The following FBXL7 variants were observed in gnomAD, a reference collection of about 807,000 sequenced individuals.
FBXL7 encodes the protein F-box/LRR-repeat protein 7.
In FBXL7, 12 loss-of-function variants were observed where a neutral mutation model predicts 38.3. The ratio of observed to expected loss-of-function variants is 0.31; its 90% confidence interval spans 0.20 to 0.51. FBXL7 has a LOEUF of 0.51. FBXL7 is among the 20% of genes least tolerant of loss of function. The pLI, the probability that FBXL7 is intolerant of heterozygous loss-of-function variation, is 0.98. For missense variants in FBXL7, 567 were observed against 676.4 expected (o/e 0.84, Z 1.79); for synonymous variants, 297 against 300.9 (o/e 0.99, Z 0.13).
chr5:15,927,382 G>T (rs1315183213), intron 2 of FBXL7, among the ~76,000 whole-genome samples: 1 of 152,142 alleles, frequency 6.6e-6, no homozygotes, highest in Non-Finnish European at 1.5e-5. Context: ...ACACGTGCAT[G>T]TGCTTGGTCC....
intron 2 of FBXL7, among the ~76,000 whole-genome samples, chr5:15,823,211 G>A (rs1187029112): frequency 1.3e-5 from 2 of 152,172 alleles, no homozygotes; most frequent in Non-Finnish European, 2.9e-5. Flanking sequence ...ATTTGTGAAT[G>A]AGTAGACACA....
At chr5:15,536,834 G>T (rs1737600380) in intron 1 of FBXL7, among the ~76,000 whole-genome samples, 1 of 151,896 alleles carries the variant, frequency 6.6e-6, no homozygotes, top group Non-Finnish European at 1.5e-5. Flanking sequence ...ATTTGGGAGG[G>T]GCCAAGGGCA....
chr5:15,875,267 A>G (rs893904662), intron 2 of FBXL7, among the ~76,000 whole-genome samples: 5 of 152,226 alleles, frequency 3.3e-5, no homozygotes, highest in African/African-American at 1.2e-4. Flanking sequence ...TTAACTCCAG[A>G]TAGATTAAAG....
chr5:15,839,342 T>C (rs1313423985), intron 2 of FBXL7, among the ~76,000 whole-genome samples: 1 of 152,140 alleles, frequency 6.6e-6, no homozygotes, highest in Non-Finnish European at 1.5e-5. Flanking sequence ...CTCAAGTATT[T>C]TATTCTAAAA....
At chr5:15,727,493 A>G (rs1282237826) in intron 2 of FBXL7, among the ~76,000 whole-genome samples, 1 of 152,102 alleles carries the variant, frequency 6.6e-6, no homozygotes, top group Non-Finnish European at 1.5e-5. Flanking sequence ...TTGGGTTGGC[A>G]AGGTTTTTTT....
intron 2 of FBXL7, among the ~76,000 whole-genome samples, chr5:15,667,268 C>G (rs1181763925): frequency 6.6e-6 from 1 of 152,098 alleles, no homozygotes; most frequent in Non-Finnish European, 1.5e-5. Flanking sequence ...TGGTCTCAAA[C>G]TTAAGTTCAT....
intron 2 of FBXL7, among the ~76,000 whole-genome samples, chr5:15,693,615 T>C (rs1743247161): frequency 6.6e-6 from 1 of 152,112 alleles, no homozygotes; most frequent in Non-Finnish European, 1.5e-5. Context: ...TGGCCCGCCA[T>C]GTCCCCCATC....
intron 1 of FBXL7, among the ~76,000 whole-genome samples, chr5:15,540,838 C>T (rs1160384570): frequency 1.3e-5 from 2 of 152,032 alleles, no homozygotes; most frequent in Non-Finnish European, 2.9e-5. Flanking sequence ...GCACTGATCC[C>T]ATTCATGAGG....
chr5:15,817,053 A>T (rs1241720326), intron 2 of FBXL7, among the ~76,000 whole-genome samples: 1 of 152,226 alleles, frequency 6.6e-6, no homozygotes, highest in African/African-American at 2.4e-5. Flanking sequence ...CTTAGAGCCC[A>T]AAGACCTGGG....
chr5:15,622,055 A>T (rs1390011997), intron 2 of FBXL7, among the ~76,000 whole-genome samples: 2 of 152,200 alleles, frequency 1.3e-5, no homozygotes, highest in East Asian at 3.8e-4. Flanking sequence ...AATATGAGGT[A>T]TCATTTTGTT....
intron 2 of FBXL7, among the ~76,000 whole-genome samples, chr5:15,712,981 A>G (rs1743924788): frequency 6.6e-6 from 1 of 152,182 alleles, no homozygotes; most frequent in Admixed American, 6.5e-5. Flanking sequence ...CTTCCCTTAC[A>G]TACCTTGTGA....
At position 15,616,001 on chromosome 5, in the gene FBXL7, T is replaced by C; in HGVS notation, c.56T>C (p.Ile19Thr). Residue 19 changes from isoleucine to threonine, a missense_variant, in exon 2 of 4, where the codon ATC (isoleucine) becomes ACC (threonine). Ile to Thr is a moderately conservative substitution (Grantham distance 89). Transcript: ENST00000504595. Reference sequence around the variant, plus strand: ...CTTCCAGGCAAAGGCAGCTCGAGCATCTCATCTGACGTGAGTTCAAGTACA... The same window carrying C: ...CTTCCAGGCAAAGGCAGCTCGAGCACCTCATCTGACGTGAGTTCAAGTACA... ...YGSEGKGSSS[I>T]SSDVSSSTDH... 1 of 1,612,728 alleles carries C rather than the reference T, an allele frequency of 6.2e-7. No individual in the cohort carries two copies. The highest frequency in any genetic ancestry group is 8.5e-7 in the Non-Finnish European group (1 of 1,179,186).
At chr5:15,503,398 G>C (rs1736554850) in intron 1 of FBXL7, among the ~76,000 whole-genome samples, 1 of 152,170 alleles carries the variant, frequency 6.6e-6, no homozygotes, top group Non-Finnish European at 1.5e-5. Flanking sequence ...TCTAGCCTGG[G>C]CAACAGGACA....
chr5:15,679,924 A>C (rs933542635), intron 2 of FBXL7, among the ~76,000 whole-genome samples: 1 of 152,216 alleles, frequency 6.6e-6, no homozygotes, highest in African/African-American at 2.4e-5. Flanking sequence ...ATTGAGAGGC[A>C]AAGGAGGTAG....
chr5:15,747,760 C>T (rs1027974748), intron 2 of FBXL7, among the ~76,000 whole-genome samples: 1 of 151,368 alleles, frequency 6.6e-6, no homozygotes, highest in Non-Finnish European at 1.5e-5. Context: ...TCCAGGTTTT[C>T]CATCTGTAAC....
intron 2 of FBXL7, among the ~76,000 whole-genome samples, chr5:15,687,533 T>G (rs1561085625): frequency 6.6e-6 from 1 of 152,210 alleles, no homozygotes; most frequent in African/African-American, 2.4e-5. Context: ...TAATGATCAT[T>G]TCATAGAGCT....
chr5:15,503,750 AATAG>A (rs578108985), intron 1 of FBXL7, among the ~76,000 whole-genome samples: 3 of 152,230 alleles, frequency 2.0e-5, no homozygotes, highest in Non-Finnish European at 4.4e-5. Flanking sequence ...TTTTTCTTTT[AATAG>A]ATAGCTCGAC....
At chr5:15,776,969 A>G (rs1736872326) in intron 2 of FBXL7, among the ~76,000 whole-genome samples, 1 of 152,128 alleles carries the variant, frequency 6.6e-6, no homozygotes, top group South Asian at 2.1e-4. Context: ...CTTCTTCTTA[A>G]TCACTCTGTA....
chr5:15,563,188 C>T (rs1226472380), intron 1 of FBXL7, among the ~76,000 whole-genome samples: 1 of 152,050 alleles, frequency 6.6e-6, no homozygotes, highest in Non-Finnish European at 1.5e-5. Context: ...AGTTGTTTTT[C>T]AGTGATAATG....
Sources: gnomAD v4.1 joint callset for allele counts (sites outside exome capture counted in the v4.1 genomes callset) on GRCh38, gnomAD v4.1.1 for gene constraint, MANE v1.5 for transcripts, NCBI Gene and HGNC (gene_info 2026-07-23, HGNC 2026-07-21) for gene names.